The following SCOC variants were observed in gnomAD, a reference collection of about 807,000 sequenced individuals.
SCOC encodes the protein short coiled-coil protein.
Under a neutral mutation model 9.9 loss-of-function variants are expected in SCOC, and 7 were observed. That is an observed-to-expected ratio of 0.71 (90% CI 0.40 to 1.33). SCOC has a LOEUF of 1.33. SCOC is among the 40% of genes most tolerant of loss of function. The pLI, the probability that SCOC is intolerant of heterozygous loss-of-function variation, is 0.01. For synonymous variants in SCOC, 19 were observed against 28.2 expected, an observed-to-expected ratio of 0.67 and a Z score of 1.03; for missense variants, 66 against 89.7, an observed-to-expected ratio of 0.74 and a Z score of 1.07.
chr4:140,357,766 A>C (rs1184575707), intron 2 of SCOC, among the ~76,000 whole-genome samples: 1 of 152,206 alleles, frequency 6.6e-6, no homozygotes, highest in African/African-American at 2.4e-5. Context: ...TTGCCATCTC[A>C]CTATACTACT....
intron 2 of SCOC, chr4:140,366,957 G>C (rs781372343): frequency 2.0e-4 from 98 of 490,436 alleles, no homozygotes; most frequent in Non-Finnish European, 3.3e-4. Flanking sequence ...TGTAATCCCA[G>C]CACTTTGGGA....
At chr4:140,331,936 TG>T (rs1160956156) in intron 1 of SCOC, among the ~76,000 whole-genome samples, 3 of 152,184 alleles carry the variant, frequency 2.0e-5, no homozygotes, top group South Asian at 2.1e-4. Flanking sequence ...CATCTACTCC[TG>T]GGGTAGCCTC....
intron 1 of SCOC, among the ~76,000 whole-genome samples, chr4:140,307,635 G>A (rs1443588803): frequency 2.0e-5 from 3 of 152,166 alleles, no homozygotes; most frequent in African/African-American, 4.8e-5. Flanking sequence ...ACATCCCAGA[G>A]GAGCAATCTT....
intron 1 of SCOC, among the ~76,000 whole-genome samples, chr4:140,275,819 TG>T (rs1553933843): frequency 0.054 from 6,934 of 128,334 alleles, 730 homozygotes; most frequent in African/African-American, 0.27. Flanking sequence ...CGCTCAGGTT[TG>T]TTTTTTTTTT....
At chr4:140,347,330 T>C (rs747900479) in intron 2 of SCOC, among the ~76,000 whole-genome samples, 1 of 152,112 alleles carries the variant, frequency 6.6e-6, no homozygotes, top group Non-Finnish European at 1.5e-5. Context: ...TTTAGGAATC[T>C]ATGGTCTCAA....
At chr4:140,310,011 C>A (rs1430516552) in intron 1 of SCOC, among the ~76,000 whole-genome samples, 1 of 152,170 alleles carries the variant, frequency 6.6e-6, no homozygotes, top group East Asian at 1.9e-4. Flanking sequence ...TTTACTTTCT[C>A]CCCATACTTT....
At chr4:140,297,854 T>A (rs1431843694) in intron 1 of SCOC, among the ~76,000 whole-genome samples, 1 of 152,210 alleles carries the variant, frequency 6.6e-6, no homozygotes, top group Non-Finnish European at 1.5e-5. Context: ...GCCTTTTCTT[T>A]AAGGTTAATA....
chr4:140,354,714 G>GT lies in SCOC; in HGVS notation c.70+11017dup, dbSNP rs1025332272. 3.2e-3 allele frequency among the ~76,000 whole-genome samples: 467 copies of GT among 144,848 alleles called. 3 individuals carry two copies. The highest frequency in any genetic ancestry group is 9.1e-3 in the African/African-American group (359 of 39,648). On this transcript the variant is annotated intron_variant, in intron 2 of 4. Coordinates refer to the SCOC transcript ENST00000338517. Reference sequence around the variant, plus strand: ...TGTTCTAATGATTATATCCTTAAGGGTTTTTTTTTTTAAACCTTTTTGAGG... The same window carrying GT: ...TGTTCTAATGATTATATCCTTAAGGGTTTTTTTTTTTTAAACCTTTTTGAGG...
At chr4:140,309,291 T>C (rs1254220072) in intron 1 of SCOC, among the ~76,000 whole-genome samples, 13 of 152,178 alleles carry the variant, frequency 8.5e-5, no homozygotes, top group Non-Finnish European at 1.5e-5. Context: ...GAGCCTCACC[T>C]CACAGCTGGC....
At chr4:140,373,126 C>T, upstream of SCOC, 1 of 352,532 alleles carries the variant, frequency 2.8e-6, no homozygotes, top group Non-Finnish European at 4.3e-6. Flanking sequence ...ATAAGCTTTC[C>T]GATTTCGGAA....
chr4:140,277,572 G>A (rs1031823675), intron 1 of SCOC, among the ~76,000 whole-genome samples: 1 of 152,170 alleles, frequency 6.6e-6, no homozygotes, highest in Admixed American at 6.5e-5. Context: ...GGTGGAAAAG[G>A]GAGGGAAAAA....
At chr4:140,326,696 G>T (rs1732659522) in intron 1 of SCOC, among the ~76,000 whole-genome samples, 3 of 152,070 alleles carry the variant, frequency 2.0e-5, no homozygotes, top group Non-Finnish European at 2.9e-5. Context: ...GACTTCTAAT[G>T]CTAAAGTCTT....
intron 1 of SCOC, among the ~76,000 whole-genome samples, chr4:140,310,007 T>C (rs1420409230): frequency 6.6e-6 from 1 of 152,186 alleles, no homozygotes; most frequent in Non-Finnish European, 1.5e-5. Context: ...TCTCTTTACT[T>C]TCTCCCCATA....
At chr4:140,316,287 G>A (rs558584645) in intron 1 of SCOC, among the ~76,000 whole-genome samples, 3 of 152,192 alleles carry the variant, frequency 2.0e-5, no homozygotes, top group South Asian at 2.1e-4. Flanking sequence ...GGGTCAGATC[G>A]GGGACAGTTT....
chr4:140,262,776 G>T (rs1730659909), intron 1 of SCOC, among the ~76,000 whole-genome samples: 1 of 152,080 alleles, frequency 6.6e-6, no homozygotes, highest in Non-Finnish European at 1.5e-5. Context: ...TTATGGCGGA[G>T]GGGCGAAGGG....
rs912827538 is a variant in SCOC, at chr4:140,384,353, C to G, written c.*3249C>G. ...AGGTGGTACACAGTGTGCACAGGGACTGTGTCCAGCTTCTGGAAAAGACTC... is the reference window on the plus strand; with the variant it reads ...AGGTGGTACACAGTGTGCACAGGGAGTGTGTCCAGCTTCTGGAAAAGACTC... On this transcript the variant is annotated 3_prime_UTR_variant, in exon 4 of 4. Coordinates refer to ENST00000608372, the MANE Select transcript of SCOC (RefSeq NM_001153484.2). 6 of 152,202 alleles carry G rather than the reference C, an allele frequency of 3.9e-5. No homozygotes were observed. Among genetic ancestry groups the G allele is most frequent in the Admixed American group, 3.9e-4 (6 of 15,282 alleles). 9.4% of individuals were successfully genotyped at this position (152,202 alleles called of 1,614,324 possible). A position where few individuals can be genotyped will look rare whatever the true frequency, so the allele number is the denominator to read the frequency against.
chr4:140,290,957 A>G (rs1455635526), intron 1 of SCOC, among the ~76,000 whole-genome samples: 1 of 152,244 alleles, frequency 6.6e-6, no homozygotes, highest in African/African-American at 2.4e-5. Flanking sequence ...CAAAAAGCAT[A>G]TAATAATTTT....
chr4:140,270,886 T>C (rs1163750329), intron 1 of SCOC, among the ~76,000 whole-genome samples: 1 of 152,164 alleles, frequency 6.6e-6, no homozygotes, highest in Admixed American at 6.5e-5. Flanking sequence ...ATATTTCAGA[T>C]GGCAAAGTTG....
chr4:140,360,425 G>A (rs1341121498), intron 2 of SCOC, among the ~76,000 whole-genome samples: 1 of 152,198 alleles, frequency 6.6e-6, no homozygotes, highest in South Asian at 2.1e-4. Context: ...ATGAGGTGAT[G>A]TCAGTGTCCC....
Sources: gnomAD v4.1 joint callset for allele counts (sites outside exome capture counted in the v4.1 genomes callset) on GRCh38, gnomAD v4.1.1 for gene constraint, MANE v1.5 for transcripts, NCBI Gene and HGNC (gene_info 2026-07-23, HGNC 2026-07-21) for gene names.